CFTR: variants seen among roughly 807,000 people sequenced by gnomAD.
CFTR encodes cystic fibrosis transmembrane conductance regulator.
Under a neutral mutation model 171.6 loss-of-function variants are expected in CFTR, and 181 were observed. That is an observed-to-expected ratio of 1.05 (90% CI 0.93 to 1.19). The LOEUF is 1.19. Ranked by LOEUF, CFTR falls within the 50% of genes most tolerant of loss-of-function variation. The pLI is 0.00. For missense variants in CFTR, 1,968 were observed against 1,734.7 expected (o/e 1.13, Z -2.39); for synonymous variants, 583 against 608.0 (o/e 0.96, Z 0.60).
At chr7:117,548,555 A>C in intron 9 of CFTR, 86 bp from the exon 10 acceptor site, 1 of 1,554,836 alleles carries the variant, frequency 6.4e-7, no homozygotes, top group Non-Finnish European at 8.7e-7. Flanking sequence ...CTAATTGTAC[A>C]TAAAACAAGC....
chr7:117,555,060 A>G (rs1320130971), intron 10 of CFTR, among the ~76,000 whole-genome samples: 2 of 152,304 alleles, frequency 1.3e-5, no homozygotes, highest in East Asian at 1.9e-4. Flanking sequence ...TTCAGTTAAT[A>G]CATTGGAAAA....
chr7:117,556,612 C>T (rs1222184969), intron 10 of CFTR, among the ~76,000 whole-genome samples: 1 of 141,822 alleles, frequency 7.1e-6, no homozygotes, highest in Non-Finnish European at 1.5e-5. Flanking sequence ...CTCCGCCTCC[C>T]GGGTTCACGC....
chr7:117,488,309 GTCTT>G (rs1798105063), intron 1 of CFTR, among the ~76,000 whole-genome samples: 2 of 151,848 alleles, frequency 1.3e-5, no homozygotes, highest in Admixed American at 1.3e-4. Flanking sequence ...ACAGTTTTTA[GTCTT>G]TCTTAGTTTA....
intron 9 of CFTR, among the ~76,000 whole-genome samples, chr7:117,548,201 C>T (rs1487292076): frequency 6.6e-6 from 1 of 152,068 alleles, no homozygotes; most frequent in Non-Finnish European, 1.5e-5. Context: ...GACTTTAAAG[C>T]TGTGTGACTT....
chr7:117,538,732 A>G (rs2116681419), intron 7 of CFTR, among the ~76,000 whole-genome samples: 1 of 126,980 alleles, frequency 7.9e-6, no homozygotes, highest in East Asian at 2.1e-4. Flanking sequence ...TAGAGGGAAG[A>G]GTGACTTGCT....
chr7:117,492,174 G>T (rs902434156), intron 1 of CFTR, among the ~76,000 whole-genome samples: 1 of 151,972 alleles, frequency 6.6e-6, no homozygotes, highest in Non-Finnish European at 1.5e-5. Flanking sequence ...AATGGAGAAG[G>T]TTGCATATAA....
intron 11 of CFTR, among the ~76,000 whole-genome samples, chr7:117,564,113 C>G (rs142249127): frequency 6.6e-6 from 1 of 152,192 alleles, no homozygotes; most frequent in South Asian, 2.1e-4. Flanking sequence ...GTATACTCCA[C>G]GTAGCACATT....
chr7:117,504,327 T>C lies in CFTR; in HGVS notation c.128T>C (p.Val43Ala), dbSNP rs754657555. 7.5e-6 allele frequency: 12 copies of C among 1,608,220 alleles called. No homozygotes were observed. The highest frequency in any genetic ancestry group is 1.0e-5 in the Non-Finnish European group (12 of 1,174,808). ...TCAGACATATACCAAATCCCTTCTGTTGATTCTGCTGACAATCTATCTGAA... is the reference window on the plus strand; with the variant it reads ...TCAGACATATACCAAATCCCTTCTGCTGATTCTGCTGACAATCTATCTGAA... ...ELSDIYQIPS[V>A]DSADNLSEKL... The change falls in exon 2 of 27, where the codon GTT (valine) becomes GCT (alanine). Residue 43 changes from valine to alanine, a missense_variant. Coordinates refer to ENST00000003084, the MANE Select transcript of CFTR (RefSeq NM_000492.4).
At chr7:117,496,354 C>T (rs944839451) in intron 1 of CFTR, among the ~76,000 whole-genome samples, 6 of 152,068 alleles carry the variant, frequency 3.9e-5, no homozygotes, top group African/African-American at 1.4e-4. Context: ...TACAGGCTTG[C>T]ACCACATGAC....
intron 24 of CFTR, among the ~76,000 whole-genome samples, chr7:117,658,449 T>A (rs1166740162): frequency 2.6e-5 from 4 of 152,208 alleles, no homozygotes; most frequent in African/African-American, 9.6e-5. Context: ...TGTCTCACTT[T>A]ACTTAGTTTC....
chr7:117,502,712 A>G (rs1454149902), intron 1 of CFTR, among the ~76,000 whole-genome samples: 3 of 152,170 alleles, frequency 2.0e-5, no homozygotes, highest in Non-Finnish European at 4.4e-5. Context: ...GGCCTCAACT[A>G]TTTTCTTTAT....
chr7:117,535,024 C>G (rs1343076727), intron 5 of CFTR, among the ~76,000 whole-genome samples: 1 of 152,178 alleles, frequency 6.6e-6, no homozygotes, highest in African/African-American at 2.4e-5. Flanking sequence ...TAAAAATGCA[C>G]TGACTTGAAA....
rs397508195 is a variant in CFTR at position 117,548,797 on chromosome 7, G to T, written c.1366G>T (p.Val456Phe). The change falls in exon 10 of 27, where the codon GTT becomes TTT. Residue 456 changes from valine (V) to phenylalanine (F), a missense_variant. Val to Phe is a conservative substitution (Grantham distance 50). Transcript: ENST00000003084. ...FKIERGQLLA[V>F]AGSTGAGKTS... ...GATAGAAAGAGGACAGTTGTTGGCG[G>T]TTGCTGGATCCACTGGAGCAGGCAA... The T allele has an allele frequency of 6.2e-7, 1 of 1,610,768 alleles. No individual in the cohort carries two copies. Among genetic ancestry groups the T allele is most frequent in the African/African-American group, 1.3e-5 (1 of 74,798 alleles).
rs200901072 is a variant in CFTR at position 117,603,610 on chromosome 7, G to A, written c.2736G>A (p.Ser912=). 35 of 1,613,994 alleles carry A rather than the reference G, an allele frequency of 2.2e-5. No individual in the cohort carries two copies. Among genetic ancestry groups the A allele is most frequent in the Middle Eastern group, 3.3e-4 (2 of 6,062 alleles). The change falls in exon 17 of 27, where the codon TCG becomes TCA. Residue 912 remains serine (S), a synonymous_variant. Coordinates refer to ENST00000003084, the MANE Select transcript of CFTR (RefSeq NM_000492.4). The part of the protein sequence containing the change: ...SYAVIITSTS[S]YYVFYIYVGV... ...CAGTGATTATCACCAGCACCAGTTC[G>A]TATTATGTGTTTTACATTTACGTGG...
intron 3 of CFTR, among the ~76,000 whole-genome samples, chr7:117,512,444 G>A (rs529329649): frequency 1.3e-3 from 205 of 152,020 alleles, no homozygotes; most frequent in African/African-American, 4.8e-3. Flanking sequence ...TGGCCAATAT[G>A]GTGAAACCCT....
chr7:117,512,249 T>A (rs35314519), intron 3 of CFTR, among the ~76,000 whole-genome samples: 2,244 of 152,304 alleles, frequency 0.015, 57 homozygotes, highest in African/African-American at 0.051. Flanking sequence ...TTATTAGCTA[T>A]GACTTCTCAC....
intron 3 of CFTR, among the ~76,000 whole-genome samples, chr7:117,529,383 G>A (rs1798816401): frequency 8.9e-6 from 1 of 112,288 alleles, no homozygotes; most frequent in Non-Finnish European, 1.8e-5. Context: ...GGGGGAGGGG[G>A]GAGGGATAGC....
intron 11 of CFTR, among the ~76,000 whole-genome samples, chr7:117,566,493 A>G (rs1239704865): frequency 2.0e-5 from 3 of 152,066 alleles, no homozygotes; most frequent in Non-Finnish European, 4.4e-5. Flanking sequence ...AAACAAGAAT[A>G]AACATCACTA....
Position 117,534,275 on chromosome 7 carries a change from G to C in CFTR, c.490-1G>C. 3 of 1,509,222 alleles carry C rather than the reference G, an allele frequency of 2.0e-6. No individual in the cohort carries two copies. The highest frequency in any genetic ancestry group is 2.8e-6 in the Non-Finnish European group (3 of 1,087,072). The allele number at this position is 1,509,222 out of a possible 1,614,324, so 93.5% of individuals were successfully genotyped here. On this transcript the variant is annotated splice_acceptor_variant, in intron 4 of 26. Coordinates refer to ENST00000003084, the MANE Select transcript of CFTR (RefSeq NM_000492.4). LOFTEE classifies it high-confidence loss of function. ...TATCTAACTTTCCATTTTTCTTTTA[G>C]ACTTTAAAGCTGTCAAGCCGTGTTC... is the stretch of plus-strand genomic sequence containing the variant.
Sources: allele counts gnomAD v4.1 joint callset (sites outside exome capture counted in the v4.1 genomes callset), GRCh38; gene constraint gnomAD v4.1.1; transcripts MANE v1.5; gene names NCBI Gene and HGNC (gene_info 2026-07-23, HGNC 2026-07-21).